ZFHX3: variants seen among roughly 807,000 people sequenced by gnomAD.
The protein encoded by ZFHX3 is zinc finger homeobox 3.
Under a neutral mutation model 279.1 loss-of-function variants are expected in ZFHX3, and 42 were observed. That is an observed-to-expected ratio of 0.15 (90% CI 0.12 to 0.19). The LOEUF is 0.19. Among genes scored for constraint, ZFHX3 ranks in the 10% least tolerant of loss-of-function variants. The pLI is 1.00. For synonymous variants in ZFHX3, 2,293 were observed against 1,957.8 expected (o/e 1.17, Z -4.52); for missense variants, 4,981 against 4,754.0 (o/e 1.05, Z -1.40).
chr16:73,254,438 G>A (rs891846626), intron 5 of ZFHX3, among the ~76,000 whole-genome samples: 2 of 151,892 alleles, frequency 1.3e-5, no homozygotes, highest in African/African-American at 4.8e-5. Context: ...ATAATTCATG[G>A]AGGGGTTAGT....
chr16:72,829,591 TAAAG>T, intron 5 of ZFHX3, 184 bp downstream of exon 5: 2 of 613,440 alleles, frequency 3.3e-6, no homozygotes, highest in South Asian at 4.3e-5. Flanking sequence ...TGTAGTATAA[TAAAG>T]AAGAATAAAG....
chr16:73,775,562 G>A (rs1959224649), intron 1 of ZFHX3, among the ~76,000 whole-genome samples: 1 of 152,078 alleles, frequency 6.6e-6, no homozygotes, highest in South Asian at 2.1e-4. Context: ...CGTGTGCTGA[G>A]CCCCAGTTAT....
chr16:73,611,153 G>T (rs1459538375), intron 2 of ZFHX3, among the ~76,000 whole-genome samples: 1 of 152,140 alleles, frequency 6.6e-6, no homozygotes, highest in Non-Finnish European at 1.5e-5. Flanking sequence ...AAGCAGTTTT[G>T]GTTTTTTTTG....
intron 1 of ZFHX3, among the ~76,000 whole-genome samples, chr16:73,736,000 C>G (rs531249931): frequency 6.6e-6 from 1 of 151,996 alleles, no homozygotes; most frequent in Non-Finnish European, 1.5e-5. Flanking sequence ...CTAGCTCCCC[C>G]AGGGTACTAA....
chr16:72,797,372 C>G lies in ZFHX3; in HGVS notation c.5310G>C (p.Gln1770His), dbSNP rs748084189. 1 of 1,603,260 alleles carries G rather than the reference C, an allele frequency of 6.2e-7. No individual in the cohort carries two copies. The highest frequency in any genetic ancestry group is 8.5e-7 in the Non-Finnish European group (1 of 1,174,748). Residue 1770 changes from glutamine to histidine, a missense_variant, in exon 9 of 10, where the codon CAG becomes CAC. This residue lies in a region of ZFHX3 where 1,751 missense variants were observed against 1,770.0 expected (regional missense o/e 0.99). Transcript: ENST00000268489. ...LQQQAALIQS[Q>H]LFNPTLLPHF... ...GAGGAAGGAGGGTGGGGTTAAACAG[C>G]TGAGACTGGATCAGGGCAGCCTGTT...
chr16:73,437,852 G>A (rs1287518464), intron 3 of ZFHX3, among the ~76,000 whole-genome samples: 1 of 152,142 alleles, frequency 6.6e-6, no homozygotes, highest in African/African-American at 2.4e-5. Flanking sequence ...GCATGAATGC[G>A]TTTTAAGTTT....
intron 3 of ZFHX3, among the ~76,000 whole-genome samples, chr16:73,354,671 C>A (rs939316133): frequency 7.3e-5 from 11 of 151,154 alleles, no homozygotes; most frequent in African/African-American, 2.2e-4. Context: ...TCAGTGTGCA[C>A]AGCTGCCTGG....
At chr16:72,845,695 T>C (rs527616490) in intron 4 of ZFHX3, among the ~76,000 whole-genome samples, 10 of 152,236 alleles carry the variant, frequency 6.6e-5, no homozygotes, top group African/African-American at 4.8e-5. Flanking sequence ...CGACTTTCCC[T>C]TTCTCCTGCC....
At chr16:73,022,625 C>T (rs779803270) in intron 1 of ZFHX3, among the ~76,000 whole-genome samples, 8 of 152,210 alleles carry the variant, frequency 5.3e-5, no homozygotes, top group Admixed American at 6.5e-5. Context: ...TCACCCCCTA[C>T]GGAGAACCGC....
At chr16:73,675,633 C>T (rs966099241) in intron 2 of ZFHX3, among the ~76,000 whole-genome samples, 2 of 151,902 alleles carry the variant, frequency 1.3e-5, no homozygotes, top group Admixed American at 6.6e-5. Context: ...ATAAATGGAA[C>T]CAAGTGAATA....
chr16:73,735,710 C>A (rs1242867687), intron 1 of ZFHX3, among the ~76,000 whole-genome samples: 3 of 152,136 alleles, frequency 2.0e-5, no homozygotes, highest in East Asian at 1.9e-4. Flanking sequence ...CTGTTACATG[C>A]ATGCCTCCCC....
At chr16:73,641,260 A>C (rs943065818) in intron 2 of ZFHX3, among the ~76,000 whole-genome samples, 1 of 150,666 alleles carries the variant, frequency 6.6e-6, no homozygotes, top group African/African-American at 2.4e-5. Context: ...GAAAGCAATA[A>C]AAAAAACTTC....
At chr16:73,763,813 G>A (rs1056831608) in intron 1 of ZFHX3, among the ~76,000 whole-genome samples, 4 of 151,918 alleles carry the variant, frequency 2.6e-5, no homozygotes, top group African/African-American at 9.7e-5. Flanking sequence ...CCTGGGGTCA[G>A]AGACTAAGCA....
intron 2 of ZFHX3, among the ~76,000 whole-genome samples, chr16:73,572,310 G>A (rs1236153031): frequency 1.3e-5 from 2 of 152,066 alleles, no homozygotes; most frequent in East Asian, 3.9e-4. Flanking sequence ...TCCAGTTCTT[G>A]AAGAGTCACG....
chr16:73,710,771 C>A (rs1367442052), intron 1 of ZFHX3, among the ~76,000 whole-genome samples: 1 of 152,168 alleles, frequency 6.6e-6, no homozygotes, highest in Non-Finnish European at 1.5e-5. Flanking sequence ...TCCCCCTCGA[C>A]CCCCGGCCTC....
At position 73,758,142 on chromosome 16, in the gene ZFHX3, A is replaced by G. The variant is rs374096084; in HGVS notation, c.-1607-77902T>C. Among the ~76,000 whole-genome samples, 333 of 152,272 alleles carry G rather than the reference A, an allele frequency of 2.2e-3. 1 individual carries two copies. Among genetic ancestry groups the G allele is most frequent in the Non-Finnish European group, 4.1e-3 (276 of 68,012 alleles). On this transcript the variant is annotated intron_variant, in intron 1 of 17. Transcript: ENST00000641206. ...TGAAATAAGGAGCTCAATTCTTCCCAAAGGGGCCCATTCCACCTTTGCACA... is the reference window on the plus strand; with the variant it reads ...TGAAATAAGGAGCTCAATTCTTCCCGAAGGGGCCCATTCCACCTTTGCACA...
At chr16:73,712,642 T>G (rs1331428618) in intron 1 of ZFHX3, among the ~76,000 whole-genome samples, 1 of 152,190 alleles carries the variant, frequency 6.6e-6, no homozygotes, top group East Asian at 1.9e-4. Flanking sequence ...CTGGCCTTCC[T>G]GAAGGACTTG....
intron 3 of ZFHX3, among the ~76,000 whole-genome samples, chr16:73,359,863 T>A (rs1360417430): frequency 1.3e-5 from 2 of 152,092 alleles, no homozygotes; most frequent in Non-Finnish European, 2.9e-5. Flanking sequence ...AGATTCAGTG[T>A]GGATGGGTAT....
intron 4 of ZFHX3, among the ~76,000 whole-genome samples, chr16:72,882,055 C>T (rs910703886): frequency 1.3e-5 from 2 of 152,102 alleles, no homozygotes; most frequent in African/African-American, 2.4e-5. Flanking sequence ...GGGTCTCTGG[C>T]ATACTCACAC....
Sources: allele counts gnomAD v4.1 joint callset (sites outside exome capture counted in the v4.1 genomes callset), GRCh38; gene constraint gnomAD v4.1.1; regional missense constraint gnomAD v4.1.1; transcripts MANE v1.5; gene names NCBI Gene and HGNC (gene_info 2026-07-23, HGNC 2026-07-21).